The following PTPRU variants were observed in gnomAD, a reference collection of about 807,000 sequenced individuals.
The protein encoded by PTPRU is receptor-type tyrosine-protein phosphatase U.
In PTPRU, 69 loss-of-function variants were observed where a neutral mutation model predicts 166.3. The ratio of observed to expected loss-of-function variants is 0.41; its 90% CI spans 0.34 to 0.51. The LOEUF (loss-of-function observed/expected upper bound fraction) is 0.51, where lower values mean the gene tolerates loss of function less well. PTPRU is among the 20% of genes least tolerant of loss of function. The probability of loss-of-function intolerance (pLI) is 0.09; values close to 1 mark genes in which losing one functional copy is unlikely to be tolerated. For missense variants in PTPRU, 1,657 were observed against 2,013.7 expected, an observed-to-expected ratio of 0.82 and a Z score of 3.39; for synonymous variants, 793 against 814.0, an observed-to-expected ratio of 0.97 and a Z score of 0.44.
chr1:29,292,716 A>G (rs944612544), intron 15 of PTPRU, among the ~76,000 whole-genome samples: 2 of 152,200 alleles, frequency 1.3e-5, no homozygotes, highest in African/African-American at 4.8e-5. Flanking sequence ...ACAAACAGCA[A>G]TGAACCTCAT....
chr1:29,250,763 C>T (rs549312172), intron 1 of PTPRU, among the ~76,000 whole-genome samples: 2 of 152,300 alleles, frequency 1.3e-5, no homozygotes, highest in African/African-American at 4.8e-5. Context: ...TGGGACTTGG[C>T]TTTGGGGCTT....
chr1:29,254,781 G>A (rs538397624), intron 1 of PTPRU, among the ~76,000 whole-genome samples: 1 of 152,252 alleles, frequency 6.6e-6, no homozygotes, highest in South Asian at 2.1e-4. Context: ...AGATAGAGGG[G>A]CAGGTGACAG....
Position 29,260,731 on chromosome 1 carries a change from C to A in PTPRU, c.972C>A (p.Tyr324Ter). 6.2e-7 allele frequency: 1 copy of A among 1,609,660 alleles called. No homozygotes were observed. Among genetic ancestry groups the A allele is most frequent in the Non-Finnish European group, 8.5e-7 (1 of 1,177,992 alleles). The change falls in exon 7 of 30, where the codon TAC becomes TAA. Residue 324 changes from tyrosine (Y) to a stop codon, truncating the protein, a stop_gained. Transcript: ENST00000373779. LOFTEE classifies it high-confidence loss of function. This position sits in a 1 kb window ranked among gnomAD's most constrained non-coding sequence, Gnocchi z 8.3. ...CGATCGTGCGCAAGGAGATTGAGTA[C>A]CGCATGGCGCGCGGGCCCTGGGCTG... ...DGPIVRKEIE[Y>*]RMARGPWAEV...
chr1:29,300,376 C>T (rs6680894), intron 15 of PTPRU, among the ~76,000 whole-genome samples: 37,699 of 152,138 alleles, frequency 0.25, 5,893 homozygotes, highest in East Asian at 0.63. Context: ...CCGAAAGCCC[C>T]GAGAGGTCTT....
In PTPRU at chr1:29,280,059, G is replaced by A. The variant is rs771105941; in HGVS notation, c.1786G>A (p.Asp596Asn). The A allele has an allele frequency of 1.4e-5, 22 of 1,613,502 alleles. No homozygotes were observed. The highest frequency in any genetic ancestry group is 4.0e-5 in the African/African-American group (3 of 74,902). ...NISAPSFDYA[D>N]MPSPLGESEN... The stretch of plus-strand genomic sequence containing the variant: ...TCCAGCTCCCAGCTTTGATTATGCC[G>A]ACATGCCGTCACCCCTGGGCGAGTC... The change falls in exon 11 of 30, where the codon GAC becomes AAC. Residue 596 changes from aspartate (D) to asparagine (N), a missense_variant. Physicochemically the swap from Asp to Asn is conservative, Grantham distance 23 (BLOSUM62 1). Transcript: ENST00000373779. This position sits in a 1 kb window ranked among gnomAD's most constrained non-coding sequence, Gnocchi z 4.2.
chr1:29,320,687 C>A lies in PTPRU; in HGVS notation c.3690C>A (p.Ser1230Arg). 6.3e-7 allele frequency: 1 copy of A among 1,584,698 alleles called. No homozygotes were observed. The highest frequency in any genetic ancestry group is 1.1e-5 in the South Asian group (1 of 88,256). Residue 1230 changes from serine to arginine, a missense_variant and splice_region_variant, in exon 26 of 30, where the codon AGC (serine) becomes AGA (arginine). By Grantham distance (110) the Ser-to-Arg change is moderately radical. Transcript: ENST00000373779. The surrounding 1 kb of genome is among the most constrained non-coding windows in gnomAD (Gnocchi z 5.2). ...NNYINAALTD[S>R]YTRSAAFIVT... is the part of the protein sequence containing the mutation. ...GCTGAGTTCCGGTTTCCCTGCAGAG[C>A]TACACACGGAGTGCGGCCTTCATCG...
At chr1:29,318,346 C>A (rs1180394098) in intron 25 of PTPRU, among the ~76,000 whole-genome samples, 1 of 152,240 alleles carries the variant, frequency 6.6e-6, no homozygotes, top group East Asian at 1.9e-4. Flanking sequence ...TGGCCCCATT[C>A]TTCCCTGGGT....
At chr1:29,263,059 A>G (rs1456417242) in intron 7 of PTPRU, among the ~76,000 whole-genome samples, 1 of 152,146 alleles carries the variant, frequency 6.6e-6, no homozygotes, top group African/African-American at 2.4e-5. Flanking sequence ...ATCTCGGCTC[A>G]CTGCAACCTC....
At chr1:29,304,730 G>A (rs767197093) in intron 16 of PTPRU, 44 bp from the exon 17 acceptor site, 86 of 1,511,014 alleles carry the variant, frequency 5.7e-5, no homozygotes, top group Non-Finnish European at 5.1e-5. Context: ...GGCCCTCAGT[G>A]AGGGTCCCTC....
intron 7 of PTPRU, among the ~76,000 whole-genome samples, chr1:29,274,045 T>C (rs1178882074): frequency 1.3e-5 from 2 of 152,208 alleles, no homozygotes; most frequent in African/African-American, 4.8e-5. Flanking sequence ...TTTTTGTTTT[T>C]TTTGGGACGG....
Position 29,279,343 on chromosome 1 carries a change from G to A in PTPRU, c.1564-113G>A. ...GAAGCCTGGCTTGATGGCATCCATA[G>A]TCTCCTTTGCTTAGCCTTATCTCTC... is the stretch of plus-strand genomic sequence containing the variant. On this transcript the variant is annotated intron_variant, in intron 9 of 29. Coordinates refer to ENST00000373779, the MANE Select transcript of PTPRU (RefSeq NM_133178.4). This position sits in a 1 kb window ranked among gnomAD's most constrained non-coding sequence, Gnocchi z 5.2. 8.0e-7 allele frequency: 1 copy of A among 1,248,730 alleles called. No homozygotes were observed. The highest frequency in any genetic ancestry group is 1.1e-6 in the Non-Finnish European group (1 of 874,304). 77.4% of individuals were successfully genotyped at this position (1,248,730 alleles called of 1,614,324 possible). A position where few individuals can be genotyped will look rare whatever the true frequency, so the allele number is the denominator to read the frequency against.
chr1:29,239,107 A>G (rs1171803469), intron 1 of PTPRU, among the ~76,000 whole-genome samples: 1 of 152,182 alleles, frequency 6.6e-6, no homozygotes. Flanking sequence ...GCTACTTGCT[A>G]TTCATGTGAT....
intron 15 of PTPRU, among the ~76,000 whole-genome samples, chr1:29,298,923 C>T (rs1014909541): frequency 6.6e-6 from 1 of 152,194 alleles, no homozygotes; most frequent in African/African-American, 2.4e-5. Context: ...GTGCTGGGCA[C>T]TCAATATGTT....
intron 3 of PTPRU, 47 bp from the exon 4 acceptor site, chr1:29,259,214 A>C (rs757643616): frequency 6.4e-7 from 1 of 1,561,430 alleles, no homozygotes; most frequent in Non-Finnish European, 8.8e-7. Context: ...TCCCCAGGCA[A>C]GGCTGGAGGA....
At chr1:29,286,660 G>A (rs1356768503) in intron 14 of PTPRU, among the ~76,000 whole-genome samples, 1 of 151,998 alleles carries the variant, frequency 6.6e-6, no homozygotes, top group Non-Finnish European at 1.5e-5. Context: ...GTTTCAGGTG[G>A]TATTTGAGGT....
intron 15 of PTPRU, among the ~76,000 whole-genome samples, chr1:29,302,274 G>A (rs1329607980): frequency 1.3e-5 from 2 of 151,870 alleles, no homozygotes; most frequent in South Asian, 2.1e-4. Flanking sequence ...TTTTTGTATA[G>A]CTGTACTATG....
In PTPRU at chr1:29,282,680, T is replaced by C; in HGVS notation, c.1873T>C (p.Tyr625His). 3 of 1,612,258 alleles carry C rather than the reference T, an allele frequency of 1.9e-6. No homozygotes were observed. The highest frequency in any genetic ancestry group is 2.5e-6 in the Non-Finnish European group (3 of 1,179,862). ...AQGRGAPISV[Y>H]QVIVEEERAR... is the part of the protein sequence containing the mutation. ...TACGCTCTCCTCCCTGTCCAGTGTGTACCAGGTGATTGTGGAGGAGGAGCG... is the reference window on the plus strand; with the variant it reads ...TACGCTCTCCTCCCTGTCCAGTGTGCACCAGGTGATTGTGGAGGAGGAGCG... Residue 625 changes from tyrosine to histidine, a missense_variant, in exon 12 of 30, where the codon TAC becomes CAC. Tyr to His is a moderately conservative substitution (Grantham distance 83). Transcript: ENST00000373779.
In PTPRU at chr1:29,275,496, G is replaced by A. The variant is rs188935262; in HGVS notation, c.1193G>A (p.Arg398His). 61 of 1,614,136 alleles carry A rather than the reference G, an allele frequency of 3.8e-5. No homozygotes were observed. The highest frequency in any genetic ancestry group is 4.4e-5 in the Non-Finnish European group (52 of 1,179,994). The change falls in exon 8 of 30, where the codon CGT (arginine) becomes CAT (histidine). Residue 398 changes from arginine (R) to histidine (H), a missense_variant. Physicochemically the swap from Arg to His is conservative, Grantham distance 29. This residue lies in a region of PTPRU where 1,190 missense variants were observed against 1,477.4 expected (regional missense o/e 0.81). Coordinates refer to ENST00000373779, the MANE Select transcript of PTPRU (RefSeq NM_133178.4). ...KGLAFAEIQA[R>H]QLTLQWEPLG... ...CTGGCTTTTGCTGAGATCCAGGCCC[G>A]TCAGCTGACCCTGCAGTGGGAACCA...
At chr1:29,304,748 C>CT in intron 16 of PTPRU, 26 bp from the exon 17 acceptor site, 1 of 1,585,986 alleles carries the variant, frequency 6.3e-7, no homozygotes, top group East Asian at 2.3e-5. Flanking sequence ...CTCTCTCCCA[C>CT]TGACCACCAC....
Sources: gnomAD v4.1 joint callset for allele counts (sites outside exome capture counted in the v4.1 genomes callset) on GRCh38, gnomAD v4.1.1 for gene constraint, gnomAD v4.1.1 regional missense constraint, Gnocchi (gnomAD v3.1) non-coding constraint, MANE v1.5 for transcripts, NCBI Gene and HGNC (gene_info 2026-07-23, HGNC 2026-07-21) for gene names.